The following ATP11C variants were observed in gnomAD, a reference collection of about 807,000 sequenced individuals.
ATP11C encodes phospholipid-transporting ATPase IG.
Under a neutral mutation model 97.4 loss-of-function variants are expected in ATP11C, and 36 were observed. The ratio of observed to expected loss-of-function variants is 0.37; its 90% confidence interval spans 0.28 to 0.49. The LOEUF (loss-of-function observed/expected upper bound fraction) is 0.49. Ranked by LOEUF, ATP11C falls within the 20% of genes least tolerant of loss-of-function variation. The pLI is 0.98. For missense variants in ATP11C, 730 were observed against 824.6 expected, an observed-to-expected ratio of 0.89 and a Z score of 1.40; for synonymous variants, 275 against 290.9, an observed-to-expected ratio of 0.95 and a Z score of 0.56.
intron 19 of ATP11C, 124 bp from the exon 20 acceptor site, chrX:139,768,558 A>G: frequency 5.2e-6 from 2 of 384,053 alleles, no homozygotes; most frequent in Non-Finnish European, 8.3e-6. Flanking sequence ...TGGTTCCTCA[A>G]CCTGTTCACT....
At chrX:139,922,929 A>G (rs979958148) in intron 1 of ATP11C, among the ~76,000 whole-genome samples, 14 of 111,116 alleles carry the variant, frequency 1.3e-4, no homozygotes, top group African/African-American at 4.3e-4. Flanking sequence ...CTGGGATTAC[A>G]GGTGCTCTCC....
At chrX:139,794,868 T>C (rs911042803) in intron 12 of ATP11C, among the ~76,000 whole-genome samples, 4 of 111,952 alleles carry the variant, frequency 3.6e-5, no homozygotes, top group Non-Finnish European at 7.5e-5. Context: ...AAGCTAGTCA[T>C]GCTCAACCTT....
chrX:139,734,065 T>C (rs1195601887), intron 28 of ATP11C, among the ~76,000 whole-genome samples: 1 of 111,159 alleles, frequency 9.0e-6, no homozygotes, highest in Non-Finnish European at 1.9e-5. Flanking sequence ...CAATTAGCAG[T>C]ATGTCAAAGA....
At chrX:139,772,139 T>G (rs1042959486) in intron 19 of ATP11C, among the ~76,000 whole-genome samples, 1 of 112,257 alleles carries the variant, frequency 8.9e-6, no homozygotes, top group Non-Finnish European at 1.9e-5. Context: ...GCTCTAGCCA[T>G]GGCTGAAAGG....
At chrX:139,871,062 CAAA>C (rs142699531) in intron 1 of ATP11C, among the ~76,000 whole-genome samples, 13 of 38,800 alleles carry the variant, frequency 3.4e-4, no homozygotes, top group Admixed American at 2.2e-3. Flanking sequence ...GACTCCGTCT[CAAA>C]AAAAAAAAAA....
intron 5 of ATP11C, among the ~76,000 whole-genome samples, chrX:139,807,851 T>C (rs1412937610): frequency 9.3e-6 from 1 of 107,951 alleles, no homozygotes; most frequent in Non-Finnish European, 1.9e-5. Flanking sequence ...ACTCTGGAGA[T>C]GGAGGTGGGA....
chrX:139,755,132 G>T (rs191429613), intron 23 of ATP11C, among the ~76,000 whole-genome samples: 1 of 111,733 alleles, frequency 8.9e-6, no homozygotes, highest in East Asian at 2.8e-4. Context: ...TAACTTCAGC[G>T]AAGTTTCAGG....
intron 18 of ATP11C, among the ~76,000 whole-genome samples, chrX:139,777,868 CT>C (rs1192745818): frequency 7.7e-4 from 79 of 103,184 alleles, no homozygotes; most frequent in Admixed American, 6.3e-4. Flanking sequence ...GTAGTTTGGC[CT>C]TTTTTTTTTT....
intron 19 of ATP11C, among the ~76,000 whole-genome samples, chrX:139,772,414 C>T (rs1350447831): frequency 8.9e-6 from 1 of 111,909 alleles, no homozygotes; most frequent in Non-Finnish European, 1.9e-5. Flanking sequence ...CCTACTGGGG[C>T]ACTGATTAGT....
At chrX:139,772,617 C>T (rs749471345) in intron 19 of ATP11C, among the ~76,000 whole-genome samples, 181 of 112,167 alleles carry the variant, frequency 1.6e-3, no homozygotes, top group Non-Finnish European at 2.6e-3. Context: ...CTTGCATCAG[C>T]ATGACCTGGA....
chrX:139,764,308 A>G (rs1363637244), intron 20 of ATP11C, among the ~76,000 whole-genome samples: 1 of 112,941 alleles, frequency 8.9e-6, no homozygotes, highest in Admixed American at 9.3e-5. Context: ...ATTTGCAGAA[A>G]GATGTCCAAG....
chrX:139,795,664 C>T (rs2082778480), intron 12 of ATP11C, among the ~76,000 whole-genome samples: 2 of 112,017 alleles, frequency 1.8e-5, no homozygotes, highest in South Asian at 3.7e-4. Flanking sequence ...TGAAGAATTA[C>T]AGCCAGACTG....
At chrX:139,866,752 C>G (rs10217883) in intron 1 of ATP11C, among the ~76,000 whole-genome samples, 8 of 110,371 alleles carry the variant, frequency 7.2e-5, no homozygotes, top group South Asian at 3.9e-4. Context: ...CCGGAAGAAT[C>G]TGAAGTCTAA....
intron 4 of ATP11C, among the ~76,000 whole-genome samples, chrX:139,815,424 AG>A (rs1423145626): frequency 7.1e-5 from 8 of 112,093 alleles, no homozygotes; most frequent in Non-Finnish European, 3.8e-5. Flanking sequence ...ATCATCTCCA[AG>A]GGAGTATTTT....
At chrX:139,736,172 T>C (rs1310743898) in intron 28 of ATP11C, among the ~76,000 whole-genome samples, 1 of 109,641 alleles carries the variant, frequency 9.1e-6, no homozygotes, top group African/African-American at 3.3e-5. Flanking sequence ...AATCTGTTCG[T>C]GTGAAAAAAA....
At position 139,737,971 on chromosome X, in the gene ATP11C, A is replaced by G; in HGVS notation, c.3233T>C (p.Leu1078Pro). 8.3e-7 allele frequency: 1 copy of G among 1,204,019 alleles called. No homozygotes were observed. Residue 1078 changes from leucine to proline, a missense_variant, in exon 28 of 30, where the codon CTG becomes CCG. By Grantham distance (98) the Leu-to-Pro change is moderately conservative (BLOSUM62 -3). Coordinates refer to ENST00000682941, the MANE Select transcript of ATP11C (RefSeq NM_001353812.2). Reference sequence around the variant, plus strand: ...TACTATCAGAAGAATCTCAGGGAACAGGCTGATAAATATTAGAAGAATTAT... The same window carrying G: ...TACTATCAGAAGAATCTCAGGGAACGGGCTGATAAATATTAGAAGAATTAT... ...LAIILLIFISLFPEILLIVLK... is the reference protein window; with the variant it reads ...LAIILLIFISPFPEILLIVLK...
intron 1 of ATP11C, among the ~76,000 whole-genome samples, chrX:139,831,281 T>G (rs567811605): frequency 3.6e-5 from 4 of 109,914 alleles, no homozygotes; most frequent in African/African-American, 1.3e-4. Context: ...GACAAATGAA[T>G]ACATAAAGTT....
rs1035910505 is a variant in ATP11C, at chrX:139,774,705, G to A, written c.2201C>T (p.Thr734Ile). The change falls in exon 19 of 30, where the codon ACT (threonine) becomes ATT (isoleucine). Residue 734 changes from threonine (T) to isoleucine (I), a missense_variant. By Grantham distance (89) the Thr-to-Ile change is moderately conservative. Transcript: ENST00000682941. Reference sequence around the variant, plus strand: ...ACTTTCTTACTTTTTAAAGCTTCTAGTACTTTTAGGAAACTCATGCAGCAA... The same window carrying A: ...ACTTTCTTACTTTTTAAAGCTTCTAATACTTTTAGGAAACTCATGCAGCAA... ...KKLLHEFPKS[T>I]RSFKKAWTEH... 3 of 1,206,473 alleles carry A rather than the reference G, an allele frequency of 2.5e-6. No individual in the cohort carries two copies. The highest frequency in any genetic ancestry group is 3.4e-6 in the Non-Finnish European group (3 of 891,745).
intron 1 of ATP11C, among the ~76,000 whole-genome samples, chrX:139,904,704 G>T (rs867028438): frequency 2.7e-5 from 3 of 111,077 alleles, no homozygotes; most frequent in Non-Finnish European, 3.8e-5. Flanking sequence ...GTCAGGGAAG[G>T]CTTCTTTAAG....
Sources: allele counts gnomAD v4.1 joint callset (sites outside exome capture counted in the v4.1 genomes callset), GRCh38; gene constraint gnomAD v4.1.1; transcripts MANE v1.5; gene names NCBI Gene and HGNC (gene_info 2026-07-23, HGNC 2026-07-21).